The following HCN1 variants were observed in gnomAD, a reference collection of about 807,000 sequenced individuals.
HCN1 encodes the protein hyperpolarization activated cyclic nucleotide gated potassium channel 1, also known as potassium/sodium hyperpolarization-activated cyclic nucleotide-gated channel 1.
HCN1 carries 13 observed loss-of-function variants against 78.9 expected under a neutral mutation model. The ratio of observed to expected loss-of-function variants is 0.16; its 90% CI spans 0.11 to 0.26. The LOEUF is 0.26. HCN1 is among the 10% of genes least tolerant of loss of function. HCN1 has a pLI of 1.00. For synonymous variants in HCN1, 552 were observed against 455.5 expected, an observed-to-expected ratio of 1.21 and a Z score of -2.70; for missense variants, 810 against 1,154.3, an observed-to-expected ratio of 0.70 and a Z score of 4.32.
chr5:45,475,468 T>A (rs1741493033), intron 2 of HCN1, among the ~76,000 whole-genome samples: 1 of 152,132 alleles, frequency 6.6e-6, no homozygotes, highest in Non-Finnish European at 1.5e-5. Context: ...TTTGAGCTAA[T>A]GGGCTAACTC....
chr5:45,573,072 G>T lies in HCN1; in HGVS notation c.849+72113C>A, dbSNP rs1037053924. Among the ~76,000 whole-genome samples the T allele has an allele frequency of 2.0e-5, 3 of 152,056 alleles. No individual in the cohort carries two copies. The East Asian group carries it at 5.8e-4, about 29-fold the overall frequency. ...GGCATACAGAAATTCATGCTTGGAA[G>T]GTTGATGATAGAAACTTACTTGTTT... On this transcript the variant is annotated intron_variant, in intron 2 of 7. Transcript: ENST00000303230.
chr5:45,435,541 G>A (rs904386895), intron 3 of HCN1, among the ~76,000 whole-genome samples: 6 of 151,966 alleles, frequency 3.9e-5, no homozygotes, highest in East Asian at 1.9e-4. Context: ...AAAGGCTCAG[G>A]CAACTGTTAG....
rs566045819 is a variant in HCN1 at position 45,371,838 on chromosome 5, A to C, written c.1231-18592T>G. 2.3e-5 allele frequency among the ~76,000 whole-genome samples: 3 copies of C among 130,720 alleles called. No individual in the cohort carries two copies. The South Asian group carries it at 6.5e-4, about 29-fold the overall frequency. The allele number at this position is 130,720 out of a possible 152,430, so 85.8% of individuals were successfully genotyped here. ...TGTGCTGTTTTCTACTATTTATATT[A>C]TATATAAAATATATATAATATACAT... On this transcript the variant is annotated intron_variant, in intron 4 of 7. Transcript: ENST00000303230.
intron 5 of HCN1, among the ~76,000 whole-genome samples, chr5:45,326,791 A>G (rs1746241619): frequency 1.3e-5 from 2 of 151,634 alleles, no homozygotes; most frequent in African/African-American, 4.8e-5. Context: ...ATTTAATCAC[A>G]TAGAAACTTT....
intron 2 of HCN1, among the ~76,000 whole-genome samples, chr5:45,637,864 T>C (rs765808045): frequency 6.6e-6 from 1 of 152,132 alleles, no homozygotes; most frequent in East Asian, 1.9e-4. Context: ...GCATTGTATA[T>C]TGACAGTAAT....
rs754894561 is a variant in HCN1, at chr5:45,283,280, A to G, written c.1619-16027T>C. Among the ~76,000 whole-genome samples, 3 of 152,206 alleles carry G rather than the reference A, an allele frequency of 2.0e-5. 1 individual carries two copies. Among genetic ancestry groups the G allele is most frequent in the Non-Finnish European group, 2.9e-5 (2 of 68,030 alleles). On this transcript the variant is annotated intron_variant, in intron 6 of 7. Coordinates refer to ENST00000303230, the MANE Select transcript of HCN1 (RefSeq NM_021072.4). ...GCCAAAAGCAATTACAACAAAAGCA[A>G]AAATTGACAAATGGGATCTAATTAA... is the stretch of plus-strand genomic sequence containing the variant.
chr5:45,430,828 A>T (rs947002102), intron 3 of HCN1, among the ~76,000 whole-genome samples: 1 of 152,116 alleles, frequency 6.6e-6, no homozygotes, highest in African/African-American at 2.4e-5. Context: ...CCTCAAAAAA[A>T]AGAAAAATTA....
intron 3 of HCN1, among the ~76,000 whole-genome samples, chr5:45,449,599 T>G (rs189943238): frequency 8.3e-4 from 124 of 150,162 alleles, no homozygotes; most frequent in Middle Eastern, 3.5e-3. Context: ...CACTTCTTCA[T>G]TAATGTTTCT....
rs548796805 is a variant in HCN1, at chr5:45,682,272, C to CATAT, written c.425+13393_425+13396dup. ...ACAAGATATCATATATATATATATACATATATATATATATATACACATATA... is the reference window on the plus strand; with the variant it reads ...ACAAGATATCATATATATATATATACATATATATATATATATATATACACATATA... On this transcript the variant is annotated intron_variant, in intron 1 of 7. Coordinates refer to ENST00000303230, the MANE Select transcript of HCN1 (RefSeq NM_021072.4). 1.3e-3 allele frequency among the ~76,000 whole-genome samples: 138 copies of CATAT among 109,788 alleles called. 1 individual carries two copies. Among genetic ancestry groups the CATAT allele is most frequent in the African/African-American group, 5.3e-3 (127 of 23,804 alleles). The allele number at this position is 109,788 out of a possible 152,430, so 72.0% of individuals were successfully genotyped here.
chr5:45,551,994 ACCATTAATTGT>A (rs1203700013), intron 2 of HCN1, among the ~76,000 whole-genome samples: 3 of 151,976 alleles, frequency 2.0e-5, no homozygotes, highest in Non-Finnish European at 4.4e-5. Context: ...ATACACAGTG[ACCATTAATTGT>A]CCACTCTTAG....
chr5:45,267,401 A>G, intron 6 of HCN1, 148 bp from the exon 7 acceptor site: 1 of 640,958 alleles, frequency 1.6e-6, no homozygotes, highest in Non-Finnish European at 2.7e-6. Flanking sequence ...ATTCCTTCTG[A>G]CAAAAATATC....
At chr5:45,502,428 C>T (rs542071891) in intron 2 of HCN1, among the ~76,000 whole-genome samples, 3 of 152,104 alleles carry the variant, frequency 2.0e-5, no homozygotes, top group Admixed American at 6.6e-5. Context: ...GTTCAATATA[C>T]CTAAAAATCA....
In HCN1 at chr5:45,479,249, G is replaced by A. The variant is rs529101094; in HGVS notation, c.850-17242C>T. Among the ~76,000 whole-genome samples the A allele has an allele frequency of 2.0e-5, 3 of 152,246 alleles. No individual in the cohort carries two copies. The East Asian group carries it at 5.8e-4, about 29-fold the overall frequency. ...AGTATAGCATCTGAAAACGAGTGTG[G>A]AAAGGAAGGGGAATCAGGGTAAAGA... On this transcript the variant is annotated intron_variant, in intron 2 of 7. Transcript: ENST00000303230.
intron 6 of HCN1, among the ~76,000 whole-genome samples, chr5:45,277,543 A>G (rs1157114278): frequency 6.6e-6 from 1 of 152,158 alleles, no homozygotes; most frequent in African/African-American, 2.4e-5. Context: ...TTTGGGAACA[A>G]ATAAAGCAAA....
At chr5:45,526,301 C>A (rs1392933566) in intron 2 of HCN1, among the ~76,000 whole-genome samples, 1 of 152,018 alleles carries the variant, frequency 6.6e-6, no homozygotes, top group African/African-American at 2.4e-5. Flanking sequence ...CTAGTGCTTA[C>A]CTTACATAGG....
chr5:45,371,766 A>ATAT (rs1246090412), intron 4 of HCN1, among the ~76,000 whole-genome samples: 12 of 140,780 alleles, frequency 8.5e-5, no homozygotes, highest in African/African-American at 3.2e-4. Flanking sequence ...CAAAAAAAAA[A>ATAT]ATATATATAT....
chr5:45,383,524 A>G (rs1280942557), intron 4 of HCN1, among the ~76,000 whole-genome samples: 1 of 152,050 alleles, frequency 6.6e-6, no homozygotes, highest in East Asian at 1.9e-4. Flanking sequence ...TTGAAATCCC[A>G]TCTCTACTAA....
rs1352960817 is a variant in HCN1 at position 45,258,658 on chromosome 5, A to G, written c.*3263T>C. ...AAATAACTTTGCAGGGCCCAAGGCT[A>G]TAAATATGAATATATTTATACAAAC... On this transcript the variant is annotated 3_prime_UTR_variant, in exon 8 of 8. Transcript: ENST00000303230. The G allele has an allele frequency of 2.6e-5, 4 of 152,082 alleles. No homozygotes were observed. The highest frequency in any genetic ancestry group is 5.9e-5 in the Non-Finnish European group (4 of 67,964). The allele number at this position is 152,082 out of a possible 1,614,324, so 9.4% of individuals were successfully genotyped here.
At chr5:45,348,701 A>G (rs1438176403) in intron 5 of HCN1, among the ~76,000 whole-genome samples, 2 of 152,214 alleles carry the variant, frequency 1.3e-5, no homozygotes. Context: ...TGGAAAACAA[A>G]AAAAAGGCAA....
Sources: gnomAD v4.1 joint callset for allele counts (sites outside exome capture counted in the v4.1 genomes callset) on GRCh38, gnomAD v4.1.1 for gene constraint, MANE v1.5 for transcripts, NCBI Gene and HGNC (gene_info 2026-07-23, HGNC 2026-07-21) for gene names.